The following WASF2 variants were observed in gnomAD, a reference collection of about 807,000 sequenced individuals.
WASF2 encodes actin-binding protein WASF2.
Under a neutral mutation model 45.0 loss-of-function variants are expected in WASF2, and 14 were observed. That is an observed-to-expected ratio of 0.31 (90% CI 0.21 to 0.49). The LOEUF is 0.49. Among genes scored for constraint, WASF2 ranks in the 20% least tolerant of loss-of-function variants. The probability of loss-of-function intolerance (pLI) is 0.99; values close to 1 mark genes in which losing one functional copy is unlikely to be tolerated. For missense variants in WASF2, 439 were observed against 636.1 expected (o/e 0.69, Z 3.33); for synonymous variants, 200 against 236.3 (o/e 0.85, Z 1.41).
At chr1:27,464,185 A>C (rs1239331547) in intron 1 of WASF2, among the ~76,000 whole-genome samples, 2 of 151,718 alleles carry the variant, frequency 1.3e-5, no homozygotes, top group African/African-American at 4.8e-5. Context: ...TTAGAGACCA[A>C]CCTGACCAAC....
chr1:27,464,195 C>G (rs1157198442), intron 1 of WASF2, among the ~76,000 whole-genome samples: 2 of 151,762 alleles, frequency 1.3e-5, no homozygotes, highest in African/African-American at 2.4e-5. Flanking sequence ...ACCTGACCAA[C>G]ATGGTGAAAC....
At chr1:27,478,135 G>A (rs1431834655) in intron 1 of WASF2, among the ~76,000 whole-genome samples, 4 of 151,228 alleles carry the variant, frequency 2.6e-5, no homozygotes, top group African/African-American at 4.9e-5. Flanking sequence ...GCTTGAACCC[G>A]GGAGGCAGAG....
chr1:27,446,411 C>T (rs992796877), intron 1 of WASF2, among the ~76,000 whole-genome samples: 2 of 152,114 alleles, frequency 1.3e-5, no homozygotes, highest in Non-Finnish European at 2.9e-5. Context: ...AATTCTAATG[C>T]TTTAGTGGGA....
At chr1:27,472,861 AC>A (rs1242237531) in intron 1 of WASF2, among the ~76,000 whole-genome samples, 4 of 150,076 alleles carry the variant, frequency 2.7e-5, no homozygotes, top group Non-Finnish European at 5.9e-5. Context: ...AGCCCTAGCT[AC>A]TTAGGAGGCT....
At chr1:27,484,945 T>G (rs2017903766) in intron 1 of WASF2, among the ~76,000 whole-genome samples, 1 of 149,274 alleles carries the variant, frequency 6.7e-6, no homozygotes, top group African/African-American at 2.5e-5. Context: ...AGGTCAAGAG[T>G]TCAAGACCAC....
chr1:27,480,113 T>TG (rs2017825784), intron 1 of WASF2, among the ~76,000 whole-genome samples: 2 of 152,226 alleles, frequency 1.3e-5, no homozygotes, highest in South Asian at 4.1e-4. Flanking sequence ...AATTCACTTA[T>TG]AGTTCCCAAT....
chr1:27,479,793 A>G (rs2017821274), intron 1 of WASF2, among the ~76,000 whole-genome samples: 1 of 152,224 alleles, frequency 6.6e-6, no homozygotes, highest in Non-Finnish European at 1.5e-5. Flanking sequence ...GGAACCAGGG[A>G]GGCAGAAGCT....
At chr1:27,462,409 T>C (rs1281776442) in intron 1 of WASF2, among the ~76,000 whole-genome samples, 2 of 152,220 alleles carry the variant, frequency 1.3e-5, no homozygotes, top group African/African-American at 4.8e-5. Flanking sequence ...AATAACACAC[T>C]ATTATTATCT....
intron 1 of WASF2, among the ~76,000 whole-genome samples, chr1:27,466,343 G>A (rs1025288402): frequency 6.6e-6 from 1 of 151,964 alleles, no homozygotes; most frequent in African/African-American, 2.4e-5. Context: ...CCATGACCAC[G>A]TACAACAGAA....
At chr1:27,456,308 C>CGA (rs1293445579) in intron 1 of WASF2, among the ~76,000 whole-genome samples, 3 of 94,310 alleles carry the variant, frequency 3.2e-5, no homozygotes, top group Non-Finnish European at 5.8e-5. Context: ...GGCTACAGAG[C>CGA]GAGACTCTAA....
intron 1 of WASF2, among the ~76,000 whole-genome samples, chr1:27,474,252 A>C (rs1196876233): frequency 6.6e-6 from 1 of 151,932 alleles, no homozygotes; most frequent in Non-Finnish European, 1.5e-5. Flanking sequence ...TGTATGCTTG[A>C]TATTTTTTCA....
At chr1:27,468,378 C>T (rs2017643272) in intron 1 of WASF2, among the ~76,000 whole-genome samples, 1 of 151,472 alleles carries the variant, frequency 6.6e-6, no homozygotes, top group Admixed American at 6.6e-5. Flanking sequence ...TAGTGGCTCA[C>T]GCCTGTAATC....
chr1:27,437,004 C>T (rs961010569), intron 1 of WASF2, among the ~76,000 whole-genome samples: 9 of 152,144 alleles, frequency 5.9e-5, no homozygotes. Flanking sequence ...GCTGAGGAAA[C>T]AGAACTTCTA....
At chr1:27,411,480 T>G (rs1048734412) in intron 7 of WASF2, among the ~76,000 whole-genome samples, 58 of 152,328 alleles carry the variant, frequency 3.8e-4, no homozygotes, top group Non-Finnish European at 7.9e-4. Context: ...AGGAAGTGAC[T>G]CTATGCTAGG....
In WASF2 at chr1:27,452,264, C is replaced by T. The variant is rs1309594844; in HGVS notation, c.-43-23331G>A. Among the ~76,000 whole-genome samples the T allele has an allele frequency of 2.0e-5, 3 of 152,182 alleles. No homozygotes were observed. In the South Asian group the frequency reaches 6.2e-4, roughly 31 times the overall value. On this transcript the variant is annotated intron_variant, in intron 1 of 8. Coordinates refer to ENST00000618852, the MANE Select transcript of WASF2 (RefSeq NM_006990.5). ...GCGCCGTGGCTCACGCCTGTAATCC[C>T]AACACTTTGGGAGACCAAGGCGGGT...
intron 1 of WASF2, among the ~76,000 whole-genome samples, chr1:27,436,856 G>T (rs2017144394): frequency 6.6e-6 from 1 of 152,154 alleles, no homozygotes; most frequent in South Asian, 2.1e-4. Flanking sequence ...GTATTTGACT[G>T]GGAAAACTGA....
At chr1:27,416,161 C>T in intron 4 of WASF2, 59 bp from the exon 5 acceptor site, 4 of 1,441,744 alleles carry the variant, frequency 2.8e-6, no homozygotes, top group Non-Finnish European at 3.9e-6. Context: ...CAACCAAATC[C>T]AATATTCCAA....
At chr1:27,436,107 AG>A (rs1202220374) in intron 1 of WASF2, among the ~76,000 whole-genome samples, 19 of 152,330 alleles carry the variant, frequency 1.2e-4, no homozygotes, top group African/African-American at 4.6e-4. Context: ...ATATGAGAAG[AG>A]GTTTACTCTT....
At chr1:27,412,978 T>C (rs1266384967) in intron 6 of WASF2, among the ~76,000 whole-genome samples, 2 of 152,368 alleles carry the variant, frequency 1.3e-5, no homozygotes, top group East Asian at 3.9e-4. Flanking sequence ...ATCAAAACCA[T>C]GCTGTTCCTT....
Sources: allele counts gnomAD v4.1 joint callset (sites outside exome capture counted in the v4.1 genomes callset), GRCh38; gene constraint gnomAD v4.1.1; transcripts MANE v1.5; gene names NCBI Gene and HGNC (gene_info 2026-07-23, HGNC 2026-07-21).